CANX: variants seen among roughly 807,000 people sequenced by gnomAD.
The protein encoded by CANX is epididymis secretory sperm binding protein.
CANX carries 14 observed loss-of-function variants against 75.7 expected under a neutral mutation model. The ratio of observed to expected loss-of-function variants is 0.19; its 90% CI spans 0.12 to 0.29. The LOEUF (loss-of-function observed/expected upper bound fraction) is 0.29. Among genes scored for constraint, CANX ranks in the 10% least tolerant of loss-of-function variants. CANX has a pLI of 1.00. For synonymous variants in CANX, 227 were observed against 236.9 expected, an observed-to-expected ratio of 0.96 and a Z score of 0.38; for missense variants, 567 against 713.2, an observed-to-expected ratio of 0.79 and a Z score of 2.34.
intron 9 of CANX, among the ~76,000 whole-genome samples, chr5:179,720,096 G>T (rs1778213550): frequency 6.6e-6 from 1 of 152,176 alleles, no homozygotes; most frequent in Non-Finnish European, 1.5e-5. Context: ...CTCCCAAAGT[G>T]CTGGGATTAC....
chr5:179,685,101 A>G (rs1776166998), intron 1 of CANX, among the ~76,000 whole-genome samples: 1 of 150,740 alleles, frequency 6.6e-6, no homozygotes, highest in Non-Finnish European at 1.5e-5. Flanking sequence ...CTATTTATTT[A>G]CTTATTTAAT....
chr5:179,726,785 G>T, intron 14 of CANX, 26 bp downstream of exon 14: 1 of 1,518,446 alleles, frequency 6.6e-7, no homozygotes, highest in Non-Finnish European at 9.1e-7. Context: ...CACACATTTT[G>T]TTTTACCAAG....
At chr5:179,698,762 C>A (rs1012569760), upstream of CANX, 10 of 639,552 alleles carry the variant, frequency 1.6e-5, no homozygotes, top group Middle Eastern at 3.4e-4. Context: ...ACAGCCACTT[C>A]CTGCCTCACT....
intron 11 of CANX, 93 bp downstream of exon 11, chr5:179,723,112 C>A: frequency 9.5e-7 from 1 of 1,049,518 alleles, no homozygotes. Flanking sequence ...CTTCATTTGG[C>A]AATATTGGCA....
At chr5:179,700,730 T>G (rs906831540) in intron 1 of CANX, among the ~76,000 whole-genome samples, 1 of 152,234 alleles carries the variant, frequency 6.6e-6, no homozygotes, top group African/African-American at 2.4e-5. Flanking sequence ...TGCTGCCGTT[T>G]TGGCAATCAC....
Position 179,708,996 on chromosome 5 carries a change from A to G in CANX, c.465A>G (p.Gln155=), listed in dbSNP as rs1169739818. 1.9e-6 allele frequency: 3 copies of G among 1,594,962 alleles called. No homozygotes were observed. Among genetic ancestry groups the G allele is most frequent in the East Asian group, 2.2e-5 (1 of 44,778 alleles). ...ATATTAGGTATGAGGTTAATTTCCA[A>G]AATGGAATAGAATGTGGTGGTGCCT... ...PLIVQYEVNF[Q]NGIECGGAYV... The change falls in exon 6 of 15, where the codon CAA becomes CAG. Residue 155 remains glutamine (Q), a synonymous_variant. Coordinates refer to ENST00000247461, the MANE Select transcript of CANX (RefSeq NM_001746.4).
At chr5:179,701,904 C>G (rs1776792191) in intron 1 of CANX, among the ~76,000 whole-genome samples, 1 of 151,536 alleles carries the variant, frequency 6.6e-6, no homozygotes, top group Non-Finnish European at 1.5e-5. Flanking sequence ...CACACCCGGC[C>G]CGGTTTTTTG....
intron 3 of CANX, among the ~76,000 whole-genome samples, chr5:179,706,825 G>T (rs753190048): frequency 6.6e-6 from 1 of 151,956 alleles, no homozygotes; most frequent in Non-Finnish European, 1.5e-5. Context: ...GGAATTTGTG[G>T]TTTTTACTTC....
chr5:179,724,797 T>A lies in CANX; in HGVS notation c.1645+14T>A. The A allele has an allele frequency of 6.3e-7, 1 of 1,596,250 alleles. No homozygotes were observed. The highest frequency in any genetic ancestry group is 8.5e-7 in the Non-Finnish European group (1 of 1,170,642). ...AAGAGAAACTTGGTAAGAAACAGAG[T>A]CCAGAAAATCTGCTTTAAGCCAAGA... On this transcript the variant is annotated intron_variant, in intron 13 of 14. Transcript: ENST00000247461.
At chr5:179,726,833 G>T in intron 14 of CANX, 74 bp downstream of exon 14, 2 of 1,164,788 alleles carry the variant, frequency 1.7e-6, no homozygotes, top group South Asian at 2.5e-5. Flanking sequence ...ATTTTAATAG[G>T]GTAGTTTACA....
intron 13 of CANX, 116 bp downstream of exon 13, chr5:179,724,899 C>T: frequency 7.2e-7 from 1 of 1,382,380 alleles, no homozygotes; most frequent in East Asian, 2.6e-5. Context: ...AGCCTGTAAT[C>T]CTAGCACTTT....
intron 6 of CANX, among the ~76,000 whole-genome samples, chr5:179,709,436 T>A (rs796842516): frequency 1.4e-4 from 22 of 152,162 alleles, no homozygotes; most frequent in African/African-American, 4.8e-4. Flanking sequence ...AAGAGAATTT[T>A]GTAATAATTG....
intron 1 of CANX, 142 bp downstream of exon 1, chr5:179,699,244 C>G (rs1236823160): frequency 2.4e-6 from 1 of 422,650 alleles, no homozygotes; most frequent in Non-Finnish European, 3.2e-6. Flanking sequence ...GGCCGACGCG[C>G]CCGCCGTGAG....
rs71001039 is a variant in CANX at position 179,684,926 on chromosome 5, A to ATTTTTTTTTTTTTTT, written c.-4+6165_-4+6179dup. Among the ~76,000 whole-genome samples the ATTTTTTTTTTTTTTT allele has an allele frequency of 3.5e-4, 17 of 49,142 alleles. 1 individual carries two copies. Among genetic ancestry groups the ATTTTTTTTTTTTTTT allele is most frequent in the African/African-American group, 4.5e-4 (5 of 11,062 alleles). 32.2% of individuals were successfully genotyped at this position (49,142 alleles called of 152,430 possible). On this transcript the variant is annotated intron_variant, in intron 1 of 14. Coordinates refer to the CANX transcript ENST00000681674. ...TGCCACCACACCTGGCTAATTTTGTATTTTTTTTTTTTTTTTTTTTTTTTT... is the reference window on the plus strand; with the variant it reads ...TGCCACCACACCTGGCTAATTTTGTATTTTTTTTTTTTTTTTTTTTTTTTTTTTTTTTTTTTTTTT...
chr5:179,699,141 G>A (rs1776550976), intron 1 of CANX, 39 bp downstream of exon 1: 1 of 994,476 alleles, frequency 1.0e-6, no homozygotes. Context: ...GGGCCTGTGA[G>A]GACCTCGGGG....
At chr5:179,684,846 T>C (rs1776156260) in intron 1 of CANX, among the ~76,000 whole-genome samples, 1 of 149,986 alleles carries the variant, frequency 6.7e-6, no homozygotes, top group Non-Finnish European at 1.5e-5. Context: ...AACCTTCACC[T>C]CCTGGGTTCA....
intron 7 of CANX, among the ~76,000 whole-genome samples, chr5:179,714,278 G>A (rs1777774640): frequency 1.3e-5 from 2 of 152,160 alleles, no homozygotes; most frequent in South Asian, 4.1e-4. Flanking sequence ...TGGGATTATA[G>A]GCATGAGCCA....
At chr5:179,726,586 A>G in intron 13 of CANX, 94 bp from the exon 14 acceptor site, 1 of 881,284 alleles carries the variant, frequency 1.1e-6, no homozygotes, top group Admixed American at 2.8e-5. Context: ...CAAAAAAAAA[A>G]AAAAAAATTG....
chr5:179,689,356 G>C (rs79374701), intron 1 of CANX, among the ~76,000 whole-genome samples: 1 of 140,428 alleles, frequency 7.1e-6, no homozygotes, highest in Non-Finnish European at 1.5e-5. Flanking sequence ...CTACCAAAAA[G>C]AGAAAGCTAC....
Sources: gnomAD v4.1 joint callset for allele counts (sites outside exome capture counted in the v4.1 genomes callset) on GRCh38, gnomAD v4.1.1 for gene constraint, MANE v1.5 for transcripts, NCBI Gene and HGNC (gene_info 2026-07-23, HGNC 2026-07-21) for gene names.